The following RASGRF2 variants were observed in gnomAD, a reference collection of about 807,000 sequenced individuals.
The protein encoded by RASGRF2 is ras-specific guanine nucleotide-releasing factor 2.
Under a neutral mutation model 151.0 loss-of-function variants are expected in RASGRF2, and 76 were observed. The ratio of observed to expected loss-of-function variants is 0.50; its 90% CI spans 0.42 to 0.61. The LOEUF (loss-of-function observed/expected upper bound fraction) is 0.61, where lower values mean the gene tolerates loss of function less well. Among genes scored for constraint, RASGRF2 ranks in the 20% least tolerant of loss-of-function variants. The pLI, the probability that RASGRF2 is intolerant of heterozygous loss-of-function variation, is 0.00. For synonymous variants in RASGRF2, 504 were observed against 566.5 expected (o/e 0.89, Z 1.57); for missense variants, 1,148 against 1,564.6 (o/e 0.73, Z 4.49).
chr5:81,040,416 G>A lies in RASGRF2; in HGVS notation c.289-2461G>A, dbSNP rs569103997. Among the ~76,000 whole-genome samples the A allele has an allele frequency of 1.9e-4, 29 of 152,294 alleles. No homozygotes were observed. In the South Asian group the frequency reaches 5.4e-3, roughly 28 times the overall value. On this transcript the variant is annotated intron_variant, in intron 1 of 26. Coordinates refer to ENST00000265080, the MANE Select transcript of RASGRF2 (RefSeq NM_006909.3). ...TTATAATGTCTTACTACTACTGATAGTAATATTATAACTAGTATTTGATAT... is the reference window on the plus strand; with the variant it reads ...TTATAATGTCTTACTACTACTGATAATAATATTATAACTAGTATTTGATAT...
At chr5:81,185,373 G>C (rs924712098) in intron 18 of RASGRF2, among the ~76,000 whole-genome samples, 1 of 152,192 alleles carries the variant, frequency 6.6e-6, no homozygotes, top group Admixed American at 6.5e-5. Flanking sequence ...GAACCAGATG[G>C]GTCCATGGGG....
intron 16 of RASGRF2, among the ~76,000 whole-genome samples, chr5:81,124,846 A>G (rs975832647): frequency 2.0e-5 from 3 of 152,134 alleles, no homozygotes; most frequent in African/African-American, 7.2e-5. Flanking sequence ...AAAATTACAC[A>G]ATTATGAAAC....
At chr5:81,096,034 CA>C (rs1260930644) in intron 12 of RASGRF2, 1 of 152,182 alleles carries the variant, frequency 6.6e-6, no homozygotes, top group East Asian at 1.9e-4. Flanking sequence ...AAAAGCTGCT[CA>C]GCTGCATTGA....
chr5:81,128,793 CTCTT>C (rs1315064029), intron 17 of RASGRF2, among the ~76,000 whole-genome samples: 1 of 152,170 alleles, frequency 6.6e-6, no homozygotes, highest in African/African-American at 2.4e-5. Context: ...TATTCATTAT[CTCTT>C]TCCTCTTCTC....
intron 1 of RASGRF2, among the ~76,000 whole-genome samples, chr5:80,980,815 G>A (rs1037791792): frequency 3.0e-4 from 46 of 152,146 alleles, no homozygotes; most frequent in African/African-American, 1.0e-3. Flanking sequence ...TAGAAGGCAG[G>A]TTTGTAGGGA....
intron 1 of RASGRF2, among the ~76,000 whole-genome samples, chr5:81,005,106 A>G (rs764642172): frequency 2.0e-5 from 3 of 152,170 alleles, no homozygotes; most frequent in Non-Finnish European, 4.4e-5. Context: ...TGTAAGTGGA[A>G]TCATACATTA....
intron 17 of RASGRF2, among the ~76,000 whole-genome samples, chr5:81,130,992 T>G (rs1753602435): frequency 6.6e-6 from 1 of 152,128 alleles, no homozygotes; most frequent in Admixed American, 6.5e-5. Flanking sequence ...CTCCCAGCCC[T>G]TCCCTTGACC....
intron 1 of RASGRF2, among the ~76,000 whole-genome samples, chr5:81,004,078 CTGT>C (rs1385283924): frequency 6.6e-6 from 1 of 152,196 alleles, no homozygotes; most frequent in East Asian, 1.9e-4. Flanking sequence ...TGCCCCAGAG[CTGT>C]TGTTGATACG....
chr5:81,171,152 C>T (rs1395397690), intron 17 of RASGRF2, among the ~76,000 whole-genome samples: 1 of 152,094 alleles, frequency 6.6e-6, no homozygotes, highest in Non-Finnish European at 1.5e-5. Flanking sequence ...GTGGCCATCC[C>T]CCTCTCCTTG....
At chr5:80,961,090 T>G in intron 1 of RASGRF2, 64 bp downstream of exon 1, 13 of 1,383,986 alleles carry the variant, frequency 9.4e-6, no homozygotes, top group Admixed American at 3.0e-5. Context: ...GCCGTCCTAA[T>G]CCGGGGATCA....
chr5:81,046,150 T>C (rs1358386684), intron 2 of RASGRF2, among the ~76,000 whole-genome samples: 2 of 152,232 alleles, frequency 1.3e-5, no homozygotes, highest in African/African-American at 4.8e-5. Flanking sequence ...CTCCTGTAGA[T>C]GCCACTTAGA....
intron 3 of RASGRF2, 140 bp from the exon 4 acceptor site, chr5:81,070,352 A>G (rs1386162156): frequency 3.0e-6 from 2 of 665,586 alleles, no homozygotes; most frequent in Non-Finnish European, 5.4e-6. Flanking sequence ...CCATCTCAGC[A>G]CCAAAGGAAG....
chr5:81,219,819 G>A (rs1755820624), intron 26 of RASGRF2, 41 bp downstream of exon 26: 7 of 1,476,824 alleles, frequency 4.7e-6, no homozygotes, highest in East Asian at 2.3e-5. Flanking sequence ...AAAGAAAAAA[G>A]GGGAAATTAA....
At chr5:80,969,384 T>C (rs1435972634) in intron 1 of RASGRF2, among the ~76,000 whole-genome samples, 1 of 151,456 alleles carries the variant, frequency 6.6e-6, no homozygotes, top group Non-Finnish European at 1.5e-5. Flanking sequence ...TCTGCCCCCC[T>C]TGGCCTCCCA....
chr5:81,134,155 G>A (rs1753697858), intron 17 of RASGRF2, among the ~76,000 whole-genome samples: 1 of 149,780 alleles, frequency 6.7e-6, no homozygotes, highest in African/African-American at 2.5e-5. Context: ...GTAAAAATTT[G>A]GATTTTCCAA....
rs770666583 is a variant in RASGRF2, at chr5:81,127,054, C to G, written c.2597-20C>G. On this transcript the variant is annotated intron_variant, in intron 16 of 26. Coordinates refer to ENST00000265080, the MANE Select transcript of RASGRF2 (RefSeq NM_006909.3). ...TCCATTTGCCTCACCATTCCATTTC[C>G]TTTCTTTTCAAATAACCAGGACAGA... 13 of 1,611,160 alleles carry G rather than the reference C, an allele frequency of 8.1e-6. No homozygotes were observed. Among genetic ancestry groups the G allele is most frequent in the Non-Finnish European group, 1.1e-5 (13 of 1,177,714 alleles).
intron 1 of RASGRF2, among the ~76,000 whole-genome samples, chr5:81,025,074 C>G (rs1749972239): frequency 6.6e-6 from 1 of 152,210 alleles, no homozygotes; most frequent in Non-Finnish European, 1.5e-5. Flanking sequence ...GGACATGCAT[C>G]TCCTCTGCCC....
At chr5:81,141,180 G>A (rs1285941475) in intron 17 of RASGRF2, among the ~76,000 whole-genome samples, 1 of 152,134 alleles carries the variant, frequency 6.6e-6, no homozygotes, top group African/African-American at 2.4e-5. Flanking sequence ...GGAGTTGTAG[G>A]TTGATACAGC....
chr5:81,029,163 G>C (rs1294679383), intron 1 of RASGRF2, among the ~76,000 whole-genome samples: 1 of 152,170 alleles, frequency 6.6e-6, no homozygotes, highest in Non-Finnish European at 1.5e-5. Context: ...GCTCTAACTG[G>C]GTGGAGCCCA....
Sources: allele counts gnomAD v4.1 joint callset (sites outside exome capture counted in the v4.1 genomes callset), GRCh38; gene constraint gnomAD v4.1.1; transcripts MANE v1.5; gene names NCBI Gene and HGNC (gene_info 2026-07-23, HGNC 2026-07-21).